Variants in STK35 observed in about 807,000 individuals in gnomAD.
The protein encoded by STK35 is serine/threonine-protein kinase 35.
Under a neutral mutation model 37.3 loss-of-function variants are expected in STK35, and 17 were observed. The observed-to-expected ratio is 0.46, with a 90% CI of 0.31 to 0.68. The LOEUF (loss-of-function observed/expected upper bound fraction) is 0.68. STK35 is among the 30% of genes least tolerant of loss of function. The pLI is 0.05. For synonymous variants in STK35, 385 were observed against 319.1 expected, an observed-to-expected ratio of 1.21 and a Z score of -2.20; for missense variants, 595 against 746.7, an observed-to-expected ratio of 0.80 and a Z score of 2.37.
chr20:2,123,514 A>G (rs1462583815), intron 3 of STK35, among the ~76,000 whole-genome samples: 2 of 152,204 alleles, frequency 1.3e-5, no homozygotes, highest in East Asian at 3.8e-4. Flanking sequence ...CTTATCTGAC[A>G]GGCAAGAGTA....
At chr20:2,135,251 G>A (rs774774981) in intron 3 of STK35, among the ~76,000 whole-genome samples, 12 of 152,284 alleles carry the variant, frequency 7.9e-5, no homozygotes, top group Admixed American at 5.2e-4. Context: ...CAGAGAATCC[G>A]TGGGACTGGC....
At chr20:2,118,795 C>G (rs1374114302) in intron 3 of STK35, among the ~76,000 whole-genome samples, 1 of 152,160 alleles carries the variant, frequency 6.6e-6, no homozygotes, top group Non-Finnish European at 1.5e-5. Context: ...TTTAGATACA[C>G]AAAAACTTAC....
At chr20:2,106,727 G>T (rs1333873687) in intron 2 of STK35, among the ~76,000 whole-genome samples, 1 of 152,210 alleles carries the variant, frequency 6.6e-6, no homozygotes, top group Non-Finnish European at 1.5e-5. Flanking sequence ...GTCTTGAAAT[G>T]CTGTTCTTGG....
intron 3 of STK35, among the ~76,000 whole-genome samples, chr20:2,119,517 G>T (rs938907752): frequency 7.2e-5 from 11 of 152,234 alleles, no homozygotes; most frequent in Admixed American, 7.2e-4. Flanking sequence ...GAAATAAGAT[G>T]AAAAATTGAC....
chr20:2,117,160 C>T lies in STK35; in HGVS notation c.1387C>T (p.Leu463=). The change falls in exon 3 of 4, where the codon CTG becomes TTG. Residue 463 remains leucine (L), a synonymous_variant. Coordinates refer to ENST00000381482, the MANE Select transcript of STK35 (RefSeq NM_080836.4). The surrounding 1 kb of genome is among the most constrained non-coding windows in gnomAD (Gnocchi z 4.4). ...FIDSETKKEL[L]GTYIKQGTEI... ...TGACTCTGAGACCAAGAAGGAGCTC[C>T]TGGGGACCTACATTAAACAGGGGAC... 6.2e-7 allele frequency: 1 copy of T among 1,614,058 alleles called. No individual in the cohort carries two copies. The highest frequency in any genetic ancestry group is 8.5e-7 in the Non-Finnish European group (1 of 1,179,968).
intron 2 of STK35, among the ~76,000 whole-genome samples, chr20:2,108,616 C>A (rs1214347047): frequency 6.6e-6 from 1 of 152,156 alleles, no homozygotes; most frequent in Non-Finnish European, 1.5e-5. Context: ...TCTCAGCTGC[C>A]AGGGACCCCA....
chr20:2,109,406 T>C (rs1360499075), intron 2 of STK35, among the ~76,000 whole-genome samples: 1 of 152,258 alleles, frequency 6.6e-6, no homozygotes, highest in African/African-American at 2.4e-5. Context: ...ACCCCTGTAA[T>C]GTTCCAAGTA....
intron 3 of STK35, among the ~76,000 whole-genome samples, chr20:2,142,452 G>C (rs912779003): frequency 6.6e-6 from 1 of 152,112 alleles, no homozygotes; most frequent in Admixed American, 6.6e-5. Flanking sequence ...GCCTGACAAA[G>C]AAAGGCACGC....
chr20:2,103,017 G>C lies in STK35; in HGVS notation c.544G>C (p.Gly182Arg). 1 of 1,449,700 alleles carries C rather than the reference G, an allele frequency of 6.9e-7. No homozygotes were observed. Among genetic ancestry groups the C allele is most frequent in the Non-Finnish European group, 9.0e-7 (1 of 1,112,196 alleles). 89.8% of individuals were successfully genotyped at this position (1,449,700 alleles called of 1,614,324 possible). ...GGATCCGGTGGCGGCCGAGGCCCCG[G>C]GCGAGGCCTTCCTGGCGCGGCGACG... ...AMDPVAAEAPGEAFLARRRPE... is the reference protein window; with the variant it reads ...AMDPVAAEAPREAFLARRRPE... Residue 182 changes from glycine to arginine, a missense_variant, in exon 2 of 4, where the codon GGC becomes CGC. Gly to Arg is a moderately radical substitution (Grantham distance 125). This residue lies in a region of STK35 where 389 missense variants were observed against 320.0 expected (regional missense o/e 1.22). Transcript: ENST00000381482.
At chr20:2,110,794 C>G (rs997016360) in intron 2 of STK35, among the ~76,000 whole-genome samples, 3 of 152,168 alleles carry the variant, frequency 2.0e-5, no homozygotes, top group Non-Finnish European at 4.4e-5. Context: ...ACATTAAACT[C>G]TGGGGGGCAC....
At chr20:2,109,739 C>T (rs1985582848) in intron 2 of STK35, among the ~76,000 whole-genome samples, 1 of 152,216 alleles carries the variant, frequency 6.6e-6, no homozygotes, top group South Asian at 2.1e-4. Flanking sequence ...CTTTGTATGT[C>T]ACAGTTAAGC....
At chr20:2,121,514 T>A (rs1040912720) in intron 3 of STK35, among the ~76,000 whole-genome samples, 7 of 152,156 alleles carry the variant, frequency 4.6e-5, no homozygotes, top group Admixed American at 2.6e-4. Flanking sequence ...AGTTAGGTTT[T>A]AGTTATCTGA....
chr20:2,103,035 C>T lies in STK35; in HGVS notation c.562C>T (p.Arg188Trp), dbSNP rs776552962. The T allele has an allele frequency of 6.1e-6, 9 of 1,477,118 alleles. No individual in the cohort carries two copies. The highest frequency in any genetic ancestry group is 8.0e-6 in the Non-Finnish European group (9 of 1,126,018). 91.5% of individuals were successfully genotyped at this position (1,477,118 alleles called of 1,614,324 possible). Reference sequence around the variant, plus strand: ...GGCCCCGGGCGAGGCCTTCCTGGCGCGGCGACGGCCTGAGGGCGGTGGCGG... The same window carrying T: ...GGCCCCGGGCGAGGCCTTCCTGGCGTGGCGACGGCCTGAGGGCGGTGGCGG... ...AEAPGEAFLA[R>W]RRPEGGGGSA... The change falls in exon 2 of 4, where the codon CGG becomes TGG. Residue 188 changes from arginine (R) to tryptophan (W), a missense_variant. Arg to Trp is a moderately radical substitution (Grantham distance 101). Coordinates refer to ENST00000381482, the MANE Select transcript of STK35 (RefSeq NM_080836.4).
At chr20:2,129,165 A>G (rs1427848077) in intron 3 of STK35, among the ~76,000 whole-genome samples, 1 of 152,096 alleles carries the variant, frequency 6.6e-6, no homozygotes, top group East Asian at 1.9e-4. Flanking sequence ...GTGACTAGCA[A>G]ACTTCGTTTT....
chr20:2,102,836 G>A lies in STK35; in HGVS notation c.363G>A (p.Arg121=), dbSNP rs774584261. 54 of 1,535,478 alleles carry A rather than the reference G, an allele frequency of 3.5e-5. No homozygotes were observed. Among genetic ancestry groups the A allele is most frequent in the Non-Finnish European group, 4.5e-5 (52 of 1,148,516 alleles). ...AGRRDEAGGA[R]AAPLLLPPPP... ...GGAGGGATGAGGCAGGGGGGGCCCG[G>A]GCAGCGCCGTTGCTGCTCCCCCCGC... The change falls in exon 2 of 4, where the codon CGG becomes CGA. Residue 121 remains arginine (R), a synonymous_variant. Transcript: ENST00000381482.
chr20:2,132,638 C>T (rs2122577300), intron 3 of STK35, among the ~76,000 whole-genome samples: 1 of 152,370 alleles, frequency 6.6e-6, no homozygotes, highest in Non-Finnish European at 1.5e-5. Flanking sequence ...CAGTACCTGT[C>T]TCCAAAAAGT....
At chr20:2,119,973 A>G (rs1241412109) in intron 3 of STK35, among the ~76,000 whole-genome samples, 1 of 152,158 alleles carries the variant, frequency 6.6e-6, no homozygotes, top group East Asian at 1.9e-4. Flanking sequence ...TGCTGGACCA[A>G]TTGGGCCTAC....
intron 3 of STK35, among the ~76,000 whole-genome samples, chr20:2,124,916 A>G (rs1025738890): frequency 1.3e-5 from 2 of 151,994 alleles, no homozygotes; most frequent in African/African-American, 4.8e-5. Context: ...CCATCTCTTG[A>G]TTGTTTCTGC....
chr20:2,110,795 T>TG (rs1985602283), intron 2 of STK35, among the ~76,000 whole-genome samples: 1 of 152,198 alleles, frequency 6.6e-6, no homozygotes, highest in African/African-American at 2.4e-5. Context: ...CATTAAACTC[T>TG]GGGGGGCACG....
Sources: allele counts gnomAD v4.1 joint callset (sites outside exome capture counted in the v4.1 genomes callset), GRCh38; gene constraint gnomAD v4.1.1; regional missense constraint gnomAD v4.1.1; non-coding constraint Gnocchi (gnomAD v3.1); transcripts MANE v1.5; gene names NCBI Gene and HGNC (gene_info 2026-07-23, HGNC 2026-07-21).